Variants in COL5A2 observed in about 807,000 individuals in gnomAD.
COL5A2 encodes the protein collagen alpha-2(V) chain.
COL5A2 carries 23 observed loss-of-function variants against 208.2 expected under a neutral mutation model. The observed-to-expected ratio is 0.11, with a 90% CI of 0.08 to 0.16. The LOEUF (loss-of-function observed/expected upper bound fraction) is 0.16, where lower values mean the gene tolerates loss of function less well. Ranked by LOEUF, COL5A2 falls within the 10% of genes least tolerant of loss-of-function variation. COL5A2 has a pLI of 1.00. For synonymous variants in COL5A2, 625 were observed against 628.5 expected (o/e 0.99, Z 0.08); for missense variants, 1,590 against 1,956.4 (o/e 0.81, Z 3.53).
At chr2:189,267,140 G>A in the COL5A2 span, among the ~76,000 whole-genome samples, 1 of 152,066 alleles carries the variant, frequency 6.6e-6, no homozygotes, top group Non-Finnish European at 1.5e-5. Context: ...TTGGCCAAAT[G>A]ACTTTTAGTA....
At chr2:189,049,917 A>G (rs1352986935) in intron 43 of COL5A2, among the ~76,000 whole-genome samples, 1 of 152,038 alleles carries the variant, frequency 6.6e-6, no homozygotes, top group East Asian at 1.9e-4. Context: ...TCATATTTCA[A>G]CCCACATGTC....
At chr2:189,335,344 C>G in the COL5A2 span, among the ~76,000 whole-genome samples, 1 of 151,998 alleles carries the variant, frequency 6.6e-6, no homozygotes, top group African/African-American at 2.4e-5. Flanking sequence ...AAATTGGAAA[C>G]CTCACACAAT....
chr2:189,281,042 G>T, the COL5A2 span, among the ~76,000 whole-genome samples: 1 of 151,896 alleles, frequency 6.6e-6, no homozygotes, highest in African/African-American at 2.4e-5. Context: ...GCATAAAAGT[G>T]AATTTTTAAC....
At chr2:189,425,685 G>A in the COL5A2 span, among the ~76,000 whole-genome samples, 1 of 152,168 alleles carries the variant, frequency 6.6e-6, no homozygotes, top group South Asian at 2.1e-4. Flanking sequence ...TGATTGTGGG[G>A]CCTTGTGGAA....
At chr2:189,259,198 G>T in the COL5A2 span, among the ~76,000 whole-genome samples, 1 of 152,236 alleles carries the variant, frequency 6.6e-6, no homozygotes, top group Non-Finnish European at 1.5e-5. Context: ...AGAAAAAAAT[G>T]CACTAGGAGA....
chr2:189,366,032 T>C, the COL5A2 span, among the ~76,000 whole-genome samples: 2 of 152,194 alleles, frequency 1.3e-5, no homozygotes, highest in African/African-American at 4.8e-5. Context: ...CTTCTCCTCA[T>C]GTCCTATATT....
chr2:189,184,911 G>C (rs543401912), intron 1 of COL5A2, among the ~76,000 whole-genome samples: 1 of 152,160 alleles, frequency 6.6e-6, no homozygotes, highest in African/African-American at 2.4e-5. Flanking sequence ...GATTAGACAC[G>C]AGGTTTATCA....
chr2:189,292,659 CTG>C, the COL5A2 span, among the ~76,000 whole-genome samples: 1 of 152,174 alleles, frequency 6.6e-6, no homozygotes, highest in Non-Finnish European at 1.5e-5. Context: ...GTTGGTGGGA[CTG>C]TAAACTAGCT....
intron 1 of COL5A2, among the ~76,000 whole-genome samples, chr2:189,217,143 C>T (rs954592552): frequency 9.9e-5 from 15 of 151,994 alleles, no homozygotes; most frequent in African/African-American, 1.4e-4. Flanking sequence ...GAAACAGTTC[C>T]GTACAGTTTT....
the COL5A2 span, among the ~76,000 whole-genome samples, chr2:189,402,822 A>G: frequency 8.5e-5 from 13 of 152,108 alleles, no homozygotes; most frequent in South Asian, 2.1e-4. Context: ...GCCTTATAGT[A>G]TAGTTTGAAT....
intron 9 of COL5A2, 47 bp downstream of exon 9, chr2:189,086,679 T>G (rs1217274841): frequency 7.1e-7 from 1 of 1,399,498 alleles, no homozygotes; most frequent in Non-Finnish European, 1.0e-6. Flanking sequence ...TATATGTGTG[T>G]GTGTATGTTT....
chr2:189,425,644 C>T, the COL5A2 span, among the ~76,000 whole-genome samples: 130 of 152,274 alleles, frequency 8.5e-4, no homozygotes, highest in Admixed American at 4.3e-3. Flanking sequence ...GTCCCCACCC[C>T]AATCTTATGT....
chr2:189,318,586 C>G, the COL5A2 span, among the ~76,000 whole-genome samples: 3 of 152,232 alleles, frequency 2.0e-5, no homozygotes, highest in Admixed American at 2.0e-4. Context: ...TCATTCTCCA[C>G]AAACTCCTCC....
chr2:189,217,238 T>C (rs1385113846), intron 1 of COL5A2, among the ~76,000 whole-genome samples: 1 of 152,174 alleles, frequency 6.6e-6, no homozygotes, highest in Non-Finnish European at 1.5e-5. Flanking sequence ...CATAAATTCC[T>C]TTAAAAGGAC....
chr2:189,295,518 G>A, the COL5A2 span, among the ~76,000 whole-genome samples: 1 of 152,188 alleles, frequency 6.6e-6, no homozygotes, highest in Non-Finnish European at 1.5e-5. Context: ...GGGAGGCTGA[G>A]GCAGGAGAAT....
At chr2:189,204,333 G>T (rs1689117641) in intron 1 of COL5A2, among the ~76,000 whole-genome samples, 1 of 152,152 alleles carries the variant, frequency 6.6e-6, no homozygotes, top group Non-Finnish European at 1.5e-5. Context: ...CATCAAGCAG[G>T]GCTTTGCCCA....
chr2:189,198,517 G>A (rs1385974913), intron 1 of COL5A2, among the ~76,000 whole-genome samples: 1 of 152,126 alleles, frequency 6.6e-6, no homozygotes, highest in Non-Finnish European at 1.5e-5. Context: ...AGAAAAGACA[G>A]GGTAGAAAGT....
chr2:189,311,477 T>C, the COL5A2 span: 1 of 1,054,958 alleles, frequency 9.5e-7, no homozygotes, highest in Non-Finnish European at 1.4e-6. Context: ...TTCCTGGGCT[T>C]GGTGCTGTCC....
intron 2 of COL5A2, among the ~76,000 whole-genome samples, chr2:189,104,711 T>C (rs1687117082): frequency 6.6e-6 from 1 of 151,808 alleles, no homozygotes; most frequent in Non-Finnish European, 1.5e-5. Flanking sequence ...GTGTTCCCTA[T>C]TTCCACTTTA....
Sources: gnomAD v4.1 joint callset for allele counts (sites outside exome capture counted in the v4.1 genomes callset) on GRCh38, gnomAD v4.1.1 for gene constraint, MANE v1.5 for transcripts, NCBI Gene and HGNC (gene_info 2026-07-23, HGNC 2026-07-21) for gene names.